Variants in RHOBTB1 observed in about 807,000 individuals in gnomAD.
The protein encoded by RHOBTB1 is rho-related BTB domain-containing protein 1.
A neutral mutation model predicts 71.6 loss-of-function variants in RHOBTB1; 40 were observed. The ratio of observed to expected loss-of-function variants is 0.56; its 90% CI spans 0.43 to 0.73. The LOEUF (loss-of-function observed/expected upper bound fraction) is 0.73, where lower values mean the gene tolerates loss of function less well. RHOBTB1 is among the 30% of genes least tolerant of loss of function. The pLI, the probability that RHOBTB1 is intolerant of heterozygous loss-of-function variation, is 0.00. For missense variants in RHOBTB1, 797 were observed against 894.0 expected, an observed-to-expected ratio of 0.89 and a Z score of 1.38; for synonymous variants, 319 against 334.9, an observed-to-expected ratio of 0.95 and a Z score of 0.52.
At position 60,897,728 on chromosome 10, in the gene RHOBTB1, A is replaced by G. The variant is rs560039916; in HGVS notation, c.297-4733T>C. Among the ~76,000 whole-genome samples the G allele has an allele frequency of 3.3e-5, 5 of 151,996 alleles. No homozygotes were observed. In the South Asian group the frequency reaches 1.0e-3, roughly 32 times the overall value. Reference sequence around the variant, plus strand: ...ATATACATATAATTTTTTTTTTGAGATGGAGTCTTGCTCTGTTGCCCAGGC... The same window carrying G: ...ATATACATATAATTTTTTTTTTGAGGTGGAGTCTTGCTCTGTTGCCCAGGC... On this transcript the variant is annotated intron_variant, in intron 4 of 10. Coordinates refer to ENST00000337910, the MANE Select transcript of RHOBTB1 (RefSeq NM_014836.5).
chr10:60,883,223 C>T (rs1193247301), intron 7 of RHOBTB1, among the ~76,000 whole-genome samples: 1 of 152,144 alleles, frequency 6.6e-6, no homozygotes, highest in African/African-American at 2.4e-5. Context: ...TGAATGTATA[C>T]AAACCTATTA....
chr10:61,001,268 T>C (rs1353719254), intron 1 of RHOBTB1: 1 of 152,186 alleles, frequency 6.6e-6, no homozygotes, highest in Non-Finnish European at 1.5e-5. Flanking sequence ...CTCCAAGCTC[T>C]CGCGTCCCCA....
chr10:60,868,373 A>T (rs1205362181), downstream of RHOBTB1, among the ~76,000 whole-genome samples: 1 of 152,170 alleles, frequency 6.6e-6, no homozygotes, highest in Non-Finnish European at 1.5e-5. Flanking sequence ...AAGGGCGGAC[A>T]AATCTTCAGC....
intron 2 of RHOBTB1, among the ~76,000 whole-genome samples, chr10:60,977,502 A>G (rs1022942647): frequency 2.6e-5 from 4 of 152,136 alleles, no homozygotes; most frequent in African/African-American, 9.6e-5. Flanking sequence ...AAGATGTCTC[A>G]TGATCACAAG....
intron 7 of RHOBTB1, among the ~76,000 whole-genome samples, chr10:60,884,784 T>C (rs1041766018): frequency 5.9e-5 from 9 of 152,156 alleles, no homozygotes; most frequent in Admixed American, 6.5e-5. Flanking sequence ...TCTAAAAACG[T>C]TGAACTCCAA....
intron 2 of RHOBTB1, among the ~76,000 whole-genome samples, chr10:60,976,612 C>T (rs937631551): frequency 2.6e-5 from 4 of 151,866 alleles, no homozygotes; most frequent in African/African-American, 9.7e-5. Flanking sequence ...AACTTCTATG[C>T]CCAATTAAGT....
chr10:60,933,015 A>G (rs940722518), intron 2 of RHOBTB1, among the ~76,000 whole-genome samples: 1 of 152,268 alleles, frequency 6.6e-6, no homozygotes, highest in African/African-American at 2.4e-5. Context: ...AGACTATCAT[A>G]TGCTCGTTAG....
chr10:60,861,571 T>C, the RHOBTB1 span, among the ~76,000 whole-genome samples: 1 of 152,158 alleles, frequency 6.6e-6, no homozygotes. Flanking sequence ...ATGCTGAGTG[T>C]TTTTAAGACA....
chr10:60,913,290 A>G (rs1455031407), intron 2 of RHOBTB1, among the ~76,000 whole-genome samples: 1 of 152,152 alleles, frequency 6.6e-6, no homozygotes, highest in Non-Finnish European at 1.5e-5. Flanking sequence ...TGATTCAAGG[A>G]ACAGATATGT....
At chr10:60,927,758 C>A (rs916869582) in intron 2 of RHOBTB1, among the ~76,000 whole-genome samples, 48 of 152,028 alleles carry the variant, frequency 3.2e-4, no homozygotes, top group African/African-American at 1.1e-3. Context: ...AACGATGAAA[C>A]GATTATAAGA....
chr10:60,885,552 C>T (rs1003877524), intron 7 of RHOBTB1, among the ~76,000 whole-genome samples: 1 of 152,118 alleles, frequency 6.6e-6, no homozygotes, highest in Admixed American at 6.5e-5. Context: ...CAGGGCAGAG[C>T]CTTAGACAGT....
intron 2 of RHOBTB1, among the ~76,000 whole-genome samples, chr10:60,952,066 A>AC (rs530939355): frequency 1.7e-5 from 2 of 119,898 alleles, no homozygotes; most frequent in South Asian, 2.9e-4. Context: ...ACAGCCCCCC[A>AC]CCCCCCCAAA....
intron 7 of RHOBTB1, among the ~76,000 whole-genome samples, 200 bp from the exon 8 acceptor site, chr10:60,878,258 A>G (rs1445716325): frequency 1.3e-5 from 2 of 152,204 alleles, no homozygotes; most frequent in Non-Finnish European, 2.9e-5. Context: ...AAAAGAGTGG[A>G]GCTGCCTGAC....
chr10:60,890,516 T>C (rs147050633), intron 5 of RHOBTB1, among the ~76,000 whole-genome samples: 1,687 of 152,228 alleles, frequency 0.011, 23 homozygotes, highest in African/African-American at 0.039. Context: ...AGTACAGTGC[T>C]GGGGTTATGG....
At chr10:60,894,986 G>A (rs1252968855) in intron 4 of RHOBTB1, among the ~76,000 whole-genome samples, 1 of 152,164 alleles carries the variant, frequency 6.6e-6, no homozygotes, top group Non-Finnish European at 1.5e-5. Context: ...AACACTCATG[G>A]TATTGAACAC....
At chr10:60,878,107 GGGCACATTTTCA>G (rs747711534) in intron 7 of RHOBTB1, 49 bp from the exon 8 acceptor site, 1 of 1,503,786 alleles carries the variant, frequency 6.6e-7, no homozygotes, top group East Asian at 2.3e-5. Flanking sequence ...AGCAGGGAGT[GGGCACATTTTCA>G]GGCTATGCTG....
At chr10:60,928,740 C>G (rs145267043) in intron 2 of RHOBTB1, among the ~76,000 whole-genome samples, 75 of 151,800 alleles carry the variant, frequency 4.9e-4, no homozygotes, top group Admixed American at 1.2e-3. Flanking sequence ...AGTAAATTAA[C>G]AATAATTTAT....
Position 60,921,412 on chromosome 10 carries a change from G to A in RHOBTB1, c.-10-9860C>T, listed in dbSNP as rs149399508. ...TGACAGGCAGAATCAGCAGAGATGC[G>A]GCCAAGTACAGATTCAAGTTACATT... On this transcript the variant is annotated intron_variant, in intron 2 of 10. Transcript: ENST00000337910. Among the ~76,000 whole-genome samples, 64 of 152,214 alleles carry A rather than the reference G, an allele frequency of 4.2e-4. No individual in the cohort carries two copies. The South Asian group carries it at 0.01, about 24-fold the overall frequency.
At chr10:60,986,550 AC>A (rs1311565366) in intron 1 of RHOBTB1, among the ~76,000 whole-genome samples, 2 of 151,288 alleles carry the variant, frequency 1.3e-5, no homozygotes, top group African/African-American at 4.9e-5. Flanking sequence ...CTTAGGAGAA[AC>A]CCTGTAAGTC....
Sources: gnomAD v4.1 joint callset for allele counts (sites outside exome capture counted in the v4.1 genomes callset) on GRCh38, gnomAD v4.1.1 for gene constraint, MANE v1.5 for transcripts, NCBI Gene and HGNC (gene_info 2026-07-23, HGNC 2026-07-21) for gene names.